CASK: variants seen among roughly 807,000 people sequenced by gnomAD.
CASK encodes the protein calcium/calmodulin dependent serine protein kinase.
CASK carries 4 observed loss-of-function variants against 82.9 expected under a neutral mutation model. The observed-to-expected ratio is 0.05, with a 90% CI of 0.02 to 0.11. CASK has a LOEUF of 0.11. Among genes scored for constraint, CASK ranks in the 10% least tolerant of loss-of-function variants. The pLI is 1.00. For missense variants in CASK, 358 were observed against 720.9 expected (o/e 0.50, Z 5.76); for synonymous variants, 259 against 253.5 (o/e 1.02, Z -0.20).
intron 16 of CASK, among the ~76,000 whole-genome samples, chrX:41,566,310 T>C (rs971517752): frequency 2.7e-5 from 3 of 111,793 alleles, no homozygotes; most frequent in Non-Finnish European, 3.8e-5. Flanking sequence ...TGTTTGCAGA[T>C]GACATGACTA....
chrX:41,815,252 G>A (rs1444114825), intron 2 of CASK, among the ~76,000 whole-genome samples: 1 of 112,061 alleles, frequency 8.9e-6, no homozygotes, highest in African/African-American at 3.2e-5. Context: ...GAAATGCTAA[G>A]GATAATTCAC....
intron 3 of CASK, among the ~76,000 whole-genome samples, chrX:41,746,779 G>A (rs1426249365): frequency 2.7e-5 from 3 of 111,612 alleles, no homozygotes; most frequent in Non-Finnish European, 1.9e-5. Flanking sequence ...AGGCATCATA[G>A]GAAGCAGTCC....
At chrX:41,814,701 T>C (rs1234062352) in intron 2 of CASK, among the ~76,000 whole-genome samples, 1 of 109,981 alleles carries the variant, frequency 9.1e-6, no homozygotes, top group African/African-American at 3.3e-5. Context: ...GTTACAAACC[T>C]GCACGTTGTG....
intron 9 of CASK, among the ~76,000 whole-genome samples, chrX:41,629,604 A>C (rs778339756): frequency 1.8e-5 from 2 of 111,934 alleles, no homozygotes; most frequent in East Asian, 5.6e-4. Context: ...TTCTGTAAAT[A>C]ATCAGACAGT....
chrX:41,787,566 A>C (rs2069637054), intron 2 of CASK, among the ~76,000 whole-genome samples: 1 of 109,652 alleles, frequency 9.1e-6, no homozygotes, highest in African/African-American at 3.3e-5. Context: ...AAAAAAAAAA[A>C]ACAAACCACA....
At chrX:41,679,034 A>C (rs1249454804) in intron 5 of CASK, among the ~76,000 whole-genome samples, 2 of 110,734 alleles carry the variant, frequency 1.8e-5, no homozygotes, top group Non-Finnish European at 3.8e-5. Context: ...ATTGCAGTGA[A>C]CTGCAGTTGT....
chrX:41,904,736 G>C (rs1202687613), intron 1 of CASK, among the ~76,000 whole-genome samples: 1 of 110,869 alleles, frequency 9.0e-6, no homozygotes, highest in Non-Finnish European at 1.9e-5. Context: ...ACAATTTTTC[G>C]ATCCTAATGC....
At chrX:41,655,974 T>C (rs754850379) in intron 8 of CASK, among the ~76,000 whole-genome samples, 1 of 111,184 alleles carries the variant, frequency 9.0e-6, no homozygotes, top group Non-Finnish European at 1.9e-5. Flanking sequence ...GGGATGCCCA[T>C]ATGGAGAATG....
At chrX:41,752,343 T>G (rs2068810419) in intron 3 of CASK, among the ~76,000 whole-genome samples, 2 of 108,764 alleles carry the variant, frequency 1.8e-5, no homozygotes, top group Admixed American at 2.0e-4. Context: ...CAGGCTGGAG[T>G]GCAATGGCAT....
intron 2 of CASK, among the ~76,000 whole-genome samples, chrX:41,837,614 T>G (rs770045212): frequency 7.1e-5 from 8 of 112,348 alleles, no homozygotes; most frequent in Non-Finnish European, 1.5e-4. Flanking sequence ...TTAAGAGATT[T>G]TTTTAACGAA....
chrX:41,817,268 T>C (rs2070431116), intron 2 of CASK, among the ~76,000 whole-genome samples: 1 of 112,128 alleles, frequency 8.9e-6, no homozygotes, highest in Admixed American at 9.5e-5. Context: ...ATATTAATAC[T>C]TAATGGTAAA....
In CASK at chrX:41,727,085, T is replaced by C. The variant is rs369077460; in HGVS notation, c.429+12299A>G. The C allele has an allele frequency of 7.7e-6, 9 of 1,164,423 alleles. No individual in the cohort carries two copies. The East Asian group carries it at 1.5e-4, about 19-fold the overall frequency. The stretch of plus-strand genomic sequence containing the variant: ...ATGATCTCTTCCATGGCTTTACCAA[T>C]CATTTACATCCTCCTTTGTATTGTT... On this transcript the variant is annotated intron_variant, in intron 5 of 26. Transcript: ENST00000378163.
chrX:41,695,325 T>G (rs1255391469), intron 5 of CASK, among the ~76,000 whole-genome samples: 1 of 106,892 alleles, frequency 9.4e-6, no homozygotes, highest in Non-Finnish European at 1.9e-5. Flanking sequence ...TTTTTTTTTT[T>G]TTTTTAAAGA....
intron 2 of CASK, among the ~76,000 whole-genome samples, chrX:41,797,762 C>G (rs1211542305): frequency 8.1e-5 from 9 of 111,772 alleles, no homozygotes; most frequent in Non-Finnish European, 3.8e-5. Flanking sequence ...ACCCAGGTCT[C>G]AGATTCCCAA....
At chrX:41,653,337 G>A (rs983701688) in intron 8 of CASK, among the ~76,000 whole-genome samples, 1 of 111,902 alleles carries the variant, frequency 8.9e-6, no homozygotes, top group African/African-American at 3.3e-5. Flanking sequence ...CAACTGTGTC[G>A]CAATCAATTG....
chrX:41,675,756 G>C (rs1001005396), intron 5 of CASK: 68 of 1,199,493 alleles, frequency 5.7e-5, no homozygotes, highest in Non-Finnish European at 7.4e-5. Flanking sequence ...TGGAAGGCCG[G>C]TTAATTTTCC....
At chrX:41,683,213 T>C (rs2067390720) in intron 5 of CASK, 1 of 111,792 alleles carries the variant, frequency 8.9e-6, no homozygotes, top group East Asian at 2.8e-4. Context: ...GCGCAGTGGC[T>C]ATTCACAGGC....
intron 9 of CASK, among the ~76,000 whole-genome samples, chrX:41,628,887 G>A (rs1042272087): frequency 4.5e-5 from 5 of 111,565 alleles, no homozygotes; most frequent in African/African-American, 1.6e-4. Flanking sequence ...ATCAAATCAC[G>A]TTTCCCACAC....
At position 41,795,070 on chromosome X, in the gene CASK, C is replaced by T. The variant is rs6520767; in HGVS notation, c.173-7787G>A. 5.6e-3 allele frequency among the ~76,000 whole-genome samples: 621 copies of T among 111,849 alleles called. 1 individual carries two copies. The highest frequency in any genetic ancestry group is 0.018 in the African/African-American group (567 of 30,820). On this transcript the variant is annotated intron_variant, in intron 2 of 26. Coordinates refer to ENST00000378163, the MANE Select transcript of CASK (RefSeq NM_001367721.1). The stretch of plus-strand genomic sequence containing the variant: ...AAATGAATGAGGTAAAAATTCTGTA[C>T]GGCATAGTGAAATGATTATCTGAGG...
Sources: gnomAD v4.1 joint callset for allele counts (sites outside exome capture counted in the v4.1 genomes callset) on GRCh38, gnomAD v4.1.1 for gene constraint, MANE v1.5 for transcripts, NCBI Gene and HGNC (gene_info 2026-07-23, HGNC 2026-07-21) for gene names.